The following PPP3CA variants were observed in gnomAD, a reference collection of about 807,000 sequenced individuals.
PPP3CA encodes the protein protein phosphatase 3 catalytic subunit alpha, also known as CAM-PRP catalytic subunit.
In PPP3CA, 14 loss-of-function variants were observed where a neutral mutation model predicts 66.5. The observed-to-expected ratio is 0.21, with a 90% CI of 0.14 to 0.33. The LOEUF is 0.33. PPP3CA is among the 10% of genes least tolerant of loss of function. The pLI is 1.00. For missense variants in PPP3CA, 317 were observed against 639.5 expected (o/e 0.50, Z 5.44); for synonymous variants, 232 against 226.2 (o/e 1.03, Z -0.23).
chr4:101,278,813 T>C (rs10033889), intron 1 of PPP3CA, among the ~76,000 whole-genome samples: 1 of 152,190 alleles, frequency 6.6e-6, no homozygotes, highest in East Asian at 1.9e-4. Context: ...ACCATCCCTT[T>C]AAACAATCAC....
At chr4:101,027,910 T>C (rs1298144190) in intron 13 of PPP3CA, among the ~76,000 whole-genome samples, 1 of 152,190 alleles carries the variant, frequency 6.6e-6, no homozygotes, top group Non-Finnish European at 1.5e-5. Flanking sequence ...CAATTTACAT[T>C]GGTAGTATAC....
At chr4:101,063,199 T>G in intron 9 of PPP3CA, 33 bp downstream of exon 9, 1 of 1,603,752 alleles carries the variant, frequency 6.2e-7, no homozygotes, top group Non-Finnish European at 8.5e-7. Context: ...CTAAACTATT[T>G]TAAGAAGAAC....
At chr4:101,343,464 TA>T (rs1176286962) in intron 1 of PPP3CA, among the ~76,000 whole-genome samples, 1 of 152,116 alleles carries the variant, frequency 6.6e-6, no homozygotes, top group African/African-American at 2.4e-5. Flanking sequence ...GGAAGACAGT[TA>T]TTCTTCTATT....
chr4:101,180,559 C>A (rs1724202546), intron 2 of PPP3CA, among the ~76,000 whole-genome samples: 1 of 152,084 alleles, frequency 6.6e-6, no homozygotes. Flanking sequence ...TGGAAGTTGA[C>A]CTTCCCTGAT....
At chr4:101,193,202 T>C (rs1230078102) in intron 2 of PPP3CA, among the ~76,000 whole-genome samples, 1 of 152,238 alleles carries the variant, frequency 6.6e-6, no homozygotes, top group African/African-American at 2.4e-5. Context: ...TTCACATGTA[T>C]GTGATATATA....
intron 1 of PPP3CA, among the ~76,000 whole-genome samples, chr4:101,268,448 T>C (rs535691382): frequency 7.2e-5 from 11 of 152,240 alleles, no homozygotes; most frequent in Admixed American, 1.3e-4. Context: ...TATGGTGCCA[T>C]AGGACCACAA....
At chr4:101,101,217 AT>A (rs1730426069) in intron 3 of PPP3CA, among the ~76,000 whole-genome samples, 1 of 152,166 alleles carries the variant, frequency 6.6e-6, no homozygotes, top group South Asian at 2.1e-4. Flanking sequence ...TCCTTAAAGC[AT>A]CATGATCTGT....
intron 1 of PPP3CA, among the ~76,000 whole-genome samples, chr4:101,208,418 TC>T (rs1245272826): frequency 6.6e-6 from 1 of 152,090 alleles, no homozygotes; most frequent in Non-Finnish European, 1.5e-5. Context: ...CACCACAAAA[TC>T]CATGTCCTTT....
At chr4:101,310,335 AG>A (rs1046579237) in intron 1 of PPP3CA, among the ~76,000 whole-genome samples, 2 of 152,202 alleles carry the variant, frequency 1.3e-5, no homozygotes, top group African/African-American at 4.8e-5. Context: ...CAAGACCTCA[AG>A]GGTTTTCAAA....
At chr4:101,212,435 G>A (rs1341009198) in intron 1 of PPP3CA, among the ~76,000 whole-genome samples, 11 of 152,066 alleles carry the variant, frequency 7.2e-5, no homozygotes, top group Admixed American at 2.0e-4. Flanking sequence ...TTAAATGTGC[G>A]GGAACAACAC....
At chr4:101,027,012 T>C (rs1726686224) in intron 13 of PPP3CA, among the ~76,000 whole-genome samples, 1 of 152,196 alleles carries the variant, frequency 6.6e-6, no homozygotes, top group South Asian at 2.1e-4. Context: ...AAAGTAATCT[T>C]TGGTGTGCTA....
At chr4:101,063,170 A>T in intron 9 of PPP3CA, 62 bp downstream of exon 9, 1 of 1,554,918 alleles carries the variant, frequency 6.4e-7, no homozygotes, top group Non-Finnish European at 8.8e-7. Flanking sequence ...CTGAGTGTTT[A>T]ATCTCCTTTC....
chr4:101,259,351 T>C (rs201296122), intron 1 of PPP3CA, among the ~76,000 whole-genome samples: 3 of 83,058 alleles, frequency 3.6e-5, no homozygotes, highest in Non-Finnish European at 9.7e-5. Context: ...ATTCATTCAT[T>C]CAGCAAGCAA....
At chr4:101,220,795 T>C (rs928651990) in intron 1 of PPP3CA, among the ~76,000 whole-genome samples, 9 of 151,688 alleles carry the variant, frequency 5.9e-5, no homozygotes, top group African/African-American at 2.2e-4. Context: ...CATTAAATTA[T>C]GGCAGGTGTG....
intron 1 of PPP3CA, among the ~76,000 whole-genome samples, chr4:101,337,968 C>G (rs1233709985): frequency 6.6e-6 from 1 of 152,200 alleles, no homozygotes; most frequent in East Asian, 1.9e-4. Context: ...AGTAAGTTAT[C>G]ACCTATCGGG....
At chr4:101,146,191 A>G (rs1419761437) in intron 2 of PPP3CA, among the ~76,000 whole-genome samples, 1 of 152,230 alleles carries the variant, frequency 6.6e-6, no homozygotes, top group Non-Finnish European at 1.5e-5. Context: ...CCTGAAATCC[A>G]TATTCTCTGC....
At chr4:101,345,878 G>A (rs1729967116) in intron 1 of PPP3CA, among the ~76,000 whole-genome samples, 1 of 152,254 alleles carries the variant, frequency 6.6e-6, no homozygotes, top group South Asian at 2.1e-4. Context: ...GAAGCAGGCG[G>A]AATGAGGTTA....
chr4:101,145,910 G>C (rs1359621060), intron 2 of PPP3CA, among the ~76,000 whole-genome samples: 1 of 152,032 alleles, frequency 6.6e-6, no homozygotes, highest in Non-Finnish European at 1.5e-5. Context: ...CATAACCTAT[G>C]AGCTTAAAAT....
chr4:101,106,419 A>AAG (rs1730696186), intron 3 of PPP3CA, among the ~76,000 whole-genome samples: 1 of 12,260 alleles, frequency 8.2e-5, no homozygotes, highest in Non-Finnish European at 1.7e-4. Flanking sequence ...GAAAGAAAGA[A>AAG]AGAAAGAAAG....
Sources: allele counts gnomAD v4.1 joint callset (sites outside exome capture counted in the v4.1 genomes callset), GRCh38; gene constraint gnomAD v4.1.1; transcripts MANE v1.5; gene names NCBI Gene and HGNC (gene_info 2026-07-23, HGNC 2026-07-21).